The following PPP3CA variants were observed in gnomAD, a reference collection of about 807,000 sequenced individuals.
The protein encoded by PPP3CA is CAM-PRP catalytic subunit.
Under a neutral mutation model 66.5 loss-of-function variants are expected in PPP3CA, and 14 were observed. That is an observed-to-expected ratio of 0.21 (90% confidence interval 0.14 to 0.33). The LOEUF (loss-of-function observed/expected upper bound fraction) is 0.33. Ranked by LOEUF, PPP3CA falls within the 10% of genes least tolerant of loss-of-function variation. The pLI is 1.00. For missense variants in PPP3CA, 317 were observed against 639.5 expected (o/e 0.50, Z 5.44); for synonymous variants, 232 against 226.2 (o/e 1.03, Z -0.23).
chr4:101,091,107 C>T (rs1729917716), intron 6 of PPP3CA, among the ~76,000 whole-genome samples: 2 of 151,964 alleles, frequency 1.3e-5, no homozygotes, highest in Admixed American at 1.3e-4. Flanking sequence ...GAATAGAATG[C>T]TATACTATTA....
At chr4:101,208,213 A>G (rs1484185673) in intron 1 of PPP3CA, among the ~76,000 whole-genome samples, 1 of 152,102 alleles carries the variant, frequency 6.6e-6, no homozygotes, top group Non-Finnish European at 1.5e-5. Flanking sequence ...GATATAGGAT[A>G]TGTTAAGTGA....
Position 101,098,424 on chromosome 4 carries a change from G to A in PPP3CA, c.585C>T (p.Phe195=), listed in dbSNP as rs1268790930. The change falls in exon 5 of 14, where the codon TTC becomes TTT. Residue 195 remains phenylalanine (F), a synonymous_variant. Transcript: ENST00000394854. ...LPLAALMNQQ[F]LCVHGGLSPE... ...GAGACAAACCACCATGCACACACAG[G>A]AACTGTTGGTTCATCAGGGCAGCCA... The A allele has an allele frequency of 6.2e-7, 1 of 1,612,548 alleles. No homozygotes were observed. The highest frequency in any genetic ancestry group is 8.5e-7 in the Non-Finnish European group (1 of 1,179,210).
At chr4:101,236,803 T>A (rs971925562) in intron 1 of PPP3CA, among the ~76,000 whole-genome samples, 1 of 151,842 alleles carries the variant, frequency 6.6e-6, no homozygotes, top group Non-Finnish European at 1.5e-5. Context: ...TGACACAGAT[T>A]GAAGACTAGT....
chr4:101,243,088 A>G (rs1321232606), intron 1 of PPP3CA, among the ~76,000 whole-genome samples: 1 of 152,186 alleles, frequency 6.6e-6, no homozygotes, highest in African/African-American at 2.4e-5. Context: ...AGAGGAAAAC[A>G]TGTAGGACAA....
At chr4:101,070,113 A>G (rs960211548) in intron 8 of PPP3CA, among the ~76,000 whole-genome samples, 4 of 152,162 alleles carry the variant, frequency 2.6e-5, no homozygotes, top group African/African-American at 9.7e-5. Flanking sequence ...TTATTCATAT[A>G]TAGAATTTTG....
intron 1 of PPP3CA, among the ~76,000 whole-genome samples, chr4:101,231,848 T>C (rs999211090): frequency 2.6e-5 from 4 of 151,694 alleles, no homozygotes; most frequent in Admixed American, 2.6e-4. Flanking sequence ...TTGTTAAAAA[T>C]TCCTATTAAA....
Position 101,289,688 on chromosome 4 carries a change from T to A in PPP3CA, c.58+57051A>T, listed in dbSNP as rs932104705. Reference sequence around the variant, plus strand: ...GTGTATACATTTTCATAGATTTTTTTATACATAATATATGCATATATGTGA... The same window carrying A: ...GTGTATACATTTTCATAGATTTTTTAATACATAATATATGCATATATGTGA... On this transcript the variant is annotated intron_variant, in intron 1 of 13. Coordinates refer to ENST00000394854, the MANE Select transcript of PPP3CA (RefSeq NM_000944.5). Among the ~76,000 whole-genome samples, 18 of 152,216 alleles carry A rather than the reference T, an allele frequency of 1.2e-4. No individual in the cohort carries two copies. The East Asian group carries it at 2.9e-3, about 24-fold the overall frequency.
chr4:101,220,890 A>T (rs892391428), intron 1 of PPP3CA, among the ~76,000 whole-genome samples: 3 of 151,726 alleles, frequency 2.0e-5, no homozygotes, highest in Non-Finnish European at 3.0e-5. Flanking sequence ...TTCCTCTTGT[A>T]GTTTTATTGA....
chr4:101,328,177 C>G (rs1729264358), intron 1 of PPP3CA, among the ~76,000 whole-genome samples: 1 of 152,148 alleles, frequency 6.6e-6, no homozygotes, highest in African/African-American at 2.4e-5. Flanking sequence ...AACCTATGAC[C>G]TGCAACTACC....
chr4:101,313,504 G>A (rs796094724), intron 1 of PPP3CA, among the ~76,000 whole-genome samples: 9 of 152,306 alleles, frequency 5.9e-5, no homozygotes, highest in East Asian at 1.9e-4. Context: ...CAGACATGAG[G>A]ATTTAATATG....
chr4:101,189,467 T>A (rs1724520278), intron 2 of PPP3CA, among the ~76,000 whole-genome samples: 1 of 151,916 alleles, frequency 6.6e-6, no homozygotes, highest in Admixed American at 6.6e-5. Context: ...ACCTGTAACA[T>A]TAACCTCCAC....
chr4:101,114,626 A>C (rs1303519091), intron 2 of PPP3CA, among the ~76,000 whole-genome samples: 1 of 152,094 alleles, frequency 6.6e-6, no homozygotes, highest in African/African-American at 2.4e-5. Context: ...CAGAAAATAC[A>C]TATCTTCTGC....
chr4:101,117,286 A>G (rs1721866118), intron 2 of PPP3CA, among the ~76,000 whole-genome samples: 1 of 151,926 alleles, frequency 6.6e-6, no homozygotes, highest in African/African-American at 2.4e-5. Context: ...GAAACAAAAC[A>G]GAATAGTCTA....
At chr4:101,319,806 T>C (rs748194126) in intron 1 of PPP3CA, among the ~76,000 whole-genome samples, 13 of 152,212 alleles carry the variant, frequency 8.5e-5, no homozygotes, top group Non-Finnish European at 1.2e-4. Context: ...AAATACAAAA[T>C]AAATAGCATA....
At chr4:101,144,817 T>C (rs2110294017) in intron 2 of PPP3CA, among the ~76,000 whole-genome samples, 1 of 152,328 alleles carries the variant, frequency 6.6e-6, no homozygotes. Context: ...AAAACCTATT[T>C]CATATTTTAT....
chr4:101,097,664 A>G (rs17829004), intron 5 of PPP3CA, among the ~76,000 whole-genome samples: 9,266 of 152,222 alleles, frequency 0.061, 362 homozygotes, highest in Non-Finnish European at 0.082. Flanking sequence ...AGTTAGAAAC[A>G]TACCAAAGAA....
At chr4:101,337,763 T>C (rs1178112587) in intron 1 of PPP3CA, among the ~76,000 whole-genome samples, 1 of 152,128 alleles carries the variant, frequency 6.6e-6, no homozygotes, top group Non-Finnish European at 1.5e-5. Flanking sequence ...ACATCTGGGG[T>C]AGCGCAGCTT....
At chr4:101,070,172 A>T (rs1179284679) in intron 8 of PPP3CA, among the ~76,000 whole-genome samples, 1 of 152,084 alleles carries the variant, frequency 6.6e-6, no homozygotes, top group Non-Finnish European at 1.5e-5. Context: ...GGAGGCACAG[A>T]TCCCTTTTTT....
intron 2 of PPP3CA, among the ~76,000 whole-genome samples, chr4:101,179,598 A>G (rs1353333518): frequency 6.6e-6 from 1 of 152,164 alleles, no homozygotes; most frequent in African/African-American, 2.4e-5. Flanking sequence ...GAGGTGAAAC[A>G]AGTAATTTGT....
Sources: gnomAD v4.1 joint callset for allele counts (sites outside exome capture counted in the v4.1 genomes callset) on GRCh38, gnomAD v4.1.1 for gene constraint, MANE v1.5 for transcripts, NCBI Gene and HGNC (gene_info 2026-07-23, HGNC 2026-07-21) for gene names.